EPB41L2: variants seen among roughly 807,000 people sequenced by gnomAD.
The protein encoded by EPB41L2 is band 4.1-like protein 2.
In EPB41L2, 43 loss-of-function variants were observed where a neutral mutation model predicts 113.0. That is an observed-to-expected ratio of 0.38 (90% confidence interval 0.30 to 0.49). EPB41L2 has a LOEUF of 0.49. Ranked by LOEUF, EPB41L2 falls within the 20% of genes least tolerant of loss-of-function variation. The pLI is 0.95. For synonymous variants in EPB41L2, 442 were observed against 436.7 expected (o/e 1.01, Z -0.15); for missense variants, 1,147 against 1,223.4 (o/e 0.94, Z 0.93).
intron 1 of EPB41L2, among the ~76,000 whole-genome samples, chr6:131,056,442 A>G (rs953627976): frequency 2.0e-5 from 3 of 152,238 alleles, no homozygotes; most frequent in African/African-American, 7.2e-5. Context: ...GAATGAAGTT[A>G]AGACAAGAGT....
At chr6:130,880,078 G>C (rs1170191540) in intron 13 of EPB41L2, 66 bp downstream of exon 13, 1 of 1,232,192 alleles carries the variant, frequency 8.1e-7, no homozygotes, top group Non-Finnish European at 1.2e-6. Context: ...CAGCCTAGGC[G>C]TGACCTCCCG....
chr6:131,012,347 C>T (rs1787229044), intron 1 of EPB41L2, among the ~76,000 whole-genome samples: 2 of 150,152 alleles, frequency 1.3e-5, no homozygotes, highest in South Asian at 4.3e-4. Flanking sequence ...GCACTACCAA[C>T]ATTTTATTGT....
At chr6:131,060,598 G>T (rs764354333) in intron 1 of EPB41L2, among the ~76,000 whole-genome samples, 3 of 152,162 alleles carry the variant, frequency 2.0e-5, no homozygotes, top group Non-Finnish European at 4.4e-5. Flanking sequence ...AGAAGCCAAG[G>T]ATCTAACTAG....
chr6:130,843,576 T>C (rs960592622), intron 19 of EPB41L2, among the ~76,000 whole-genome samples: 3 of 152,236 alleles, frequency 2.0e-5, no homozygotes, highest in African/African-American at 7.2e-5. Flanking sequence ...GGTAAGATCA[T>C]AGCTGTTAAG....
rs773976530 is a variant in EPB41L2, at chr6:130,890,365, G to A, written c.1589C>T (p.Thr530Ile). 12 of 1,613,770 alleles carry A rather than the reference G, an allele frequency of 7.4e-6. No homozygotes were observed. Among genetic ancestry groups the A allele is most frequent in the Non-Finnish European group, 1.0e-5 (12 of 1,179,888 alleles). ...RTQAQTRQAS[T>I]LIDRPAPHFE... The stretch of plus-strand genomic sequence containing the variant: ...GTGTGGTGCTGGCCTATCTATGAGG[G>A]TGCTGGCCTGGCGGGTCTGTGCTTG... The change falls in exon 11 of 20, where the codon ACC (threonine) becomes ATC (isoleucine). Residue 530 changes from threonine to isoleucine, a missense_variant. Transcript: ENST00000337057.
rs372497017 is a variant in EPB41L2 at position 130,895,943 on chromosome 6, T to C, written c.1237-824A>G. ...ATCTAAGATGCATGTATTCAAAACA[T>C]ACAAATTATTGTTTATCTCTAAGAG... On this transcript the variant is annotated intron_variant, in intron 8 of 19. Transcript: ENST00000337057. Among the ~76,000 whole-genome samples the C allele has an allele frequency of 4.1e-4, 62 of 152,308 alleles. No homozygotes were observed. In the East Asian group the frequency reaches 0.011, roughly 27 times the overall value.
At chr6:130,927,933 A>C (rs540821298) in intron 3 of EPB41L2, among the ~76,000 whole-genome samples, 1 of 152,220 alleles carries the variant, frequency 6.6e-6, no homozygotes, top group South Asian at 2.1e-4. Context: ...TCTCTACAAA[A>C]AATACAAACG....
intron 1 of EPB41L2, among the ~76,000 whole-genome samples, chr6:131,002,926 T>G (rs1277032242): frequency 6.6e-6 from 1 of 152,184 alleles, no homozygotes; most frequent in Non-Finnish European, 1.5e-5. Context: ...TTTATAAACT[T>G]TTCCCAGTAG....
chr6:130,997,844 C>G (rs140107341), intron 1 of EPB41L2, among the ~76,000 whole-genome samples: 12 of 152,194 alleles, frequency 7.9e-5, no homozygotes, highest in Admixed American at 1.3e-4. Context: ...CTATTGGACA[C>G]AAGTTTCACT....
intron 14 of EPB41L2, among the ~76,000 whole-genome samples, chr6:130,873,023 G>A (rs1424377293): frequency 6.6e-6 from 1 of 152,030 alleles, no homozygotes; most frequent in African/African-American, 2.4e-5. Context: ...CCACTTCATA[G>A]TCTGCATTTT....
intron 3 of EPB41L2, among the ~76,000 whole-genome samples, chr6:130,948,097 C>T (rs528979000): frequency 6.6e-6 from 1 of 152,246 alleles, no homozygotes; most frequent in South Asian, 2.1e-4. Flanking sequence ...CATGTCTTGT[C>T]CTCCAAAGTT....
chr6:130,965,892 T>C (rs1419669289), intron 1 of EPB41L2, among the ~76,000 whole-genome samples: 1 of 152,168 alleles, frequency 6.6e-6, no homozygotes, highest in Admixed American at 6.5e-5. Flanking sequence ...ATTCCAAATG[T>C]GTCCACACTT....
chr6:130,892,589 T>C (rs1008275985), intron 10 of EPB41L2, among the ~76,000 whole-genome samples: 2 of 151,898 alleles, frequency 1.3e-5, no homozygotes, highest in African/African-American at 4.8e-5. Context: ...CAGTGTAACT[T>C]GAGGGATTCA....
At position 130,863,490 on chromosome 6, in the gene EPB41L2, G is replaced by A. The variant is rs554940573; in HGVS notation, c.2910+148C>T. On this transcript the variant is annotated intron_variant, in intron 18 of 19. Transcript: ENST00000337057. The stretch of plus-strand genomic sequence containing the variant: ...TCAGAGGTAGGAAAGCTTGTATCCA[G>A]GCTGTGTCTTTATGTCCTGCTTAGG... 8 of 575,628 alleles carry A rather than the reference G, an allele frequency of 1.4e-5. No individual in the cohort carries two copies. The East Asian group carries it at 1.5e-4, about 11-fold the overall frequency. The allele number at this position is 575,628 out of a possible 1,614,324, so 35.7% of individuals were successfully genotyped here. A position where few individuals can be genotyped will look rare whatever the true frequency, so the allele number is the denominator to read the frequency against.
intron 1 of EPB41L2, among the ~76,000 whole-genome samples, chr6:130,987,957 A>T (rs945160885): frequency 2.6e-5 from 4 of 151,872 alleles, no homozygotes; most frequent in African/African-American, 9.7e-5. Context: ...CTACAAAAAA[A>T]ATTAAAAATT....
At chr6:130,979,292 C>T (rs2128671397) in intron 1 of EPB41L2, among the ~76,000 whole-genome samples, 1 of 151,944 alleles carries the variant, frequency 6.6e-6, no homozygotes, top group African/African-American at 2.4e-5. Context: ...TTGAGACCAG[C>T]CTGGCCAACA....
At chr6:130,894,556 T>C in intron 9 of EPB41L2, 115 bp from the exon 10 acceptor site, 1 of 864,462 alleles carries the variant, frequency 1.2e-6, no homozygotes, top group Non-Finnish European at 1.9e-6. Context: ...TCAAAAAAGG[T>C]AAATATTGCA....
In EPB41L2 at chr6:130,955,251, C is replaced by T. The variant is rs1817014093; in HGVS notation, c.559G>A (p.Gly187Arg). The change falls in exon 3 of 20, where the codon GGA becomes AGA. Residue 187 changes from glycine to arginine, a missense_variant. By Grantham distance (125) the Gly-to-Arg change is moderately radical. Transcript: ENST00000337057. ...TTGGTCTCCCTTTTTGCTGCTCCTCCTTCTAATTTGTCTTCCTGTGTTTCT... is the reference window on the plus strand; with the variant it reads ...TTGGTCTCCCTTTTTGCTGCTCCTCTTTCTAATTTGTCTTCCTGTGTTTCT... ...VKETQEDKLE[G>R]GAAKRETKEV... 1 of 1,614,020 alleles carries T rather than the reference C, an allele frequency of 6.2e-7. No individual in the cohort carries two copies. Among genetic ancestry groups the T allele is most frequent in the South Asian group, 1.1e-5 (1 of 91,072 alleles).
At chr6:130,934,422 T>C (rs1372700665) in intron 3 of EPB41L2, among the ~76,000 whole-genome samples, 1 of 152,186 alleles carries the variant, frequency 6.6e-6, no homozygotes, top group Non-Finnish European at 1.5e-5. Flanking sequence ...ATATATAATA[T>C]ACAAACATAT....
Sources: allele counts gnomAD v4.1 joint callset (sites outside exome capture counted in the v4.1 genomes callset), GRCh38; gene constraint gnomAD v4.1.1; transcripts MANE v1.5; gene names NCBI Gene and HGNC (gene_info 2026-07-23, HGNC 2026-07-21).